DCUN1D2: variants seen among roughly 807,000 people sequenced by gnomAD.
The protein encoded by DCUN1D2 is defective in cullin neddylation 1 domain containing 2, also known as DCN1-like protein 2.
DCUN1D2 carries 29 observed loss-of-function variants against 30.9 expected under a neutral mutation model. That is an observed-to-expected ratio of 0.94 (90% CI 0.70 to 1.28). The LOEUF (loss-of-function observed/expected upper bound fraction) is 1.28. Among genes scored for constraint, DCUN1D2 ranks in the 50% most tolerant of loss-of-function variants. DCUN1D2 has a pLI of 0.00. For synonymous variants in DCUN1D2, 121 were observed against 115.3 expected (o/e 1.05, Z -0.32); for missense variants, 325 against 316.9 (o/e 1.03, Z -0.19).
intron 4 of DCUN1D2, among the ~76,000 whole-genome samples, chr13:113,464,652 C>T (rs2044372176): frequency 6.6e-6 from 1 of 152,226 alleles, no homozygotes; most frequent in African/African-American, 2.4e-5. Context: ...GTGCTTCTGC[C>T]CAAGCCACCA....
intron 6 of DCUN1D2, among the ~76,000 whole-genome samples, chr13:113,458,403 G>C (rs1363114520): frequency 1.3e-5 from 2 of 152,198 alleles, no homozygotes; most frequent in Admixed American, 6.5e-5. Context: ...CAGGAAGGGA[G>C]CTAAATGGAC....
chr13:113,490,583 A>G lies in DCUN1D2; in HGVS notation c.3+84T>C. 2 of 1,169,762 alleles carry G rather than the reference A, an allele frequency of 1.7e-6. No homozygotes were observed. The highest frequency in any genetic ancestry group is 1.1e-6 in the Non-Finnish European group (1 of 935,916). 72.5% of individuals were successfully genotyped at this position (1,169,762 alleles called of 1,614,324 possible). A position where few individuals can be genotyped will look rare whatever the true frequency, so the allele number is the denominator to read the frequency against. On this transcript the variant is annotated intron_variant, in intron 1 of 6. Coordinates refer to ENST00000478244, the MANE Select transcript of DCUN1D2 (RefSeq NM_001014283.2). The surrounding 1 kb of genome is among the most constrained non-coding windows in gnomAD (Gnocchi z 5.2). Reference sequence around the variant, plus strand: ...CGCAGCTCGCTGGGCTCGGCCTCCCACATCCAGCGCGCCGCCTGCGCCGAC... The same window carrying G: ...CGCAGCTCGCTGGGCTCGGCCTCCCGCATCCAGCGCGCCGCCTGCGCCGAC...
intron 1 of DCUN1D2, chr13:113,489,252 T>A: frequency 1.7e-6 from 1 of 605,114 alleles, no homozygotes; most frequent in Non-Finnish European, 2.1e-6. Flanking sequence ...CTCTCCAGCA[T>A]CCTGAACATG....
intron 4 of DCUN1D2, among the ~76,000 whole-genome samples, chr13:113,461,935 T>C (rs540761602): frequency 6.6e-6 from 1 of 152,316 alleles, no homozygotes; most frequent in Middle Eastern, 3.4e-3. Context: ...AGCAAGTATA[T>C]AAAGGGGTTC....
rs1364126582 is a variant in DCUN1D2 at position 113,483,870 on chromosome 13, T to G, written c.190A>C (p.Lys64Gln). The change falls in exon 2 of 7, where the codon AAG (lysine) becomes CAG (glutamine). Residue 64 changes from lysine to glutamine, a missense_variant. By Grantham distance (53) the Lys-to-Gln change is moderately conservative. Coordinates refer to ENST00000478244, the MANE Select transcript of DCUN1D2 (RefSeq NM_001014283.2). ...ESMRNAVDKK[K>Q]LERLYGRYKD... ...TACCTGCCGTACAGCCGCTCCAGCT[T>G]CTTCTTGTCCACAGCGTTCCGCATG... 1 of 1,612,886 alleles carries G rather than the reference T, an allele frequency of 6.2e-7. No individual in the cohort carries two copies. The highest frequency in any genetic ancestry group is 8.5e-7 in the Non-Finnish European group (1 of 1,180,028).
At chr13:113,476,814 C>T (rs1330712668) in intron 3 of DCUN1D2, among the ~76,000 whole-genome samples, 1 of 152,186 alleles carries the variant, frequency 6.6e-6, no homozygotes, top group Non-Finnish European at 1.5e-5. Flanking sequence ...CTATCTGAAA[C>T]TGATTTTTAC....
At chr13:113,461,945 C>T (rs1426619503) in intron 4 of DCUN1D2, among the ~76,000 whole-genome samples, 1 of 152,160 alleles carries the variant, frequency 6.6e-6, no homozygotes, top group Non-Finnish European at 1.5e-5. Flanking sequence ...TAAAGGGGTT[C>T]AGAATTCTAT....
rs749621059 is a variant in DCUN1D2, at chr13:113,474,152, G to A, written c.492C>T (p.Phe164=). The change falls in exon 4 of 7, where the codon TTC becomes TTT. Residue 164 remains phenylalanine, a synonymous_variant. Transcript: ENST00000478244. ...AACCTTTCTGCCCTGGGTTCTTAGC[G>A]AAGGTGAAGGTAAACTGATAAAAAT... is the stretch of plus-strand genomic sequence containing the variant. ...FKDFYQFTFT[F]AKNPGQKGLD... The A allele has an allele frequency of 4.3e-6, 7 of 1,613,940 alleles. No homozygotes were observed. Among genetic ancestry groups the A allele is most frequent in the South Asian group, 1.1e-5 (1 of 91,082 alleles).
In DCUN1D2 at chr13:113,484,009, C is replaced by T. The variant is rs904914252; in HGVS notation, c.51G>A (p.Ala17=). Residue 17 remains alanine (A), a synonymous_variant, in exon 2 of 7, where the codon GCG becomes GCA. Transcript: ENST00000478244. ...SQKDKVRQFM[A]CTQAGERTAI... ...CAGTTCTCTCGCCAGCCTGAGTGCA[C>T]GCCATAAACTGGCGGACCTTGTCCT... is the stretch of plus-strand genomic sequence containing the variant. 3.1e-6 allele frequency: 5 copies of T among 1,614,142 alleles called. No homozygotes were observed. Among genetic ancestry groups the T allele is most frequent in the Admixed American group, 3.3e-5 (2 of 60,034 alleles).
chr13:113,474,374 A>G, intron 3 of DCUN1D2, 120 bp from the exon 4 acceptor site: 1 of 1,382,850 alleles, frequency 7.2e-7, no homozygotes, highest in Non-Finnish European at 9.8e-7. Flanking sequence ...GTATTTCCCA[A>G]CTTCCTTTCC....
rs1850363757 is a variant in DCUN1D2 at position 113,490,415 on chromosome 13, C to T, written c.3+252G>A. ...CCAAGGCCCCTACAGTTCCTCCCGG[C>T]CCCCGCCCTCCGCTCACTCCCGGTC... On this transcript the variant is annotated intron_variant, in intron 1 of 6. Coordinates refer to ENST00000478244, the MANE Select transcript of DCUN1D2 (RefSeq NM_001014283.2). The surrounding 1 kb of genome is among the most constrained non-coding windows in gnomAD (Gnocchi z 5.2). 5.7e-6 allele frequency: 2 copies of T among 349,976 alleles called. No individual in the cohort carries two copies. The highest frequency in any genetic ancestry group is 1.0e-5 in the Non-Finnish European group (2 of 195,958). 21.7% of individuals were successfully genotyped at this position (349,976 alleles called of 1,614,324 possible).
At chr13:113,489,016 TA>T in intron 1 of DCUN1D2, 1 of 587,482 alleles carries the variant, frequency 1.7e-6, no homozygotes, top group Non-Finnish European at 2.1e-6. Context: ...ACGACTCATA[TA>T]ATCTGGCACC....
chr13:113,473,099 T>G (rs1460879725), intron 4 of DCUN1D2, among the ~76,000 whole-genome samples: 3 of 141,232 alleles, frequency 2.1e-5, no homozygotes, highest in Non-Finnish European at 4.7e-5. Flanking sequence ...CTGTCTCCTG[T>G]GCCTCTGTCC....
chr13:113,466,205 T>C (rs1358724866), intron 4 of DCUN1D2, among the ~76,000 whole-genome samples: 1 of 152,208 alleles, frequency 6.6e-6, no homozygotes, highest in African/African-American at 2.4e-5. Flanking sequence ...AGAGTGGTAA[T>C]GGTTTCTTGA....
At chr13:113,479,163 C>T (rs1364704956) in intron 3 of DCUN1D2, 1 of 152,194 alleles carries the variant, frequency 6.6e-6, no homozygotes, top group Non-Finnish European at 1.5e-5. Context: ...TTGTGCTGTC[C>T]AAATCTTCTA....
At chr13:113,480,443 G>T in intron 3 of DCUN1D2, 132 bp downstream of exon 3, 1 of 882,912 alleles carries the variant, frequency 1.1e-6, no homozygotes, top group Non-Finnish European at 1.7e-6. Flanking sequence ...GGAGAGTACA[G>T]ACGCATAAGA....
chr13:113,489,218 A>C (rs2044868711), intron 1 of DCUN1D2: 5 of 899,684 alleles, frequency 5.6e-6, no homozygotes, highest in African/African-American at 1.8e-5. Context: ...TTGGATCTCC[A>C]ACCTCGGCAG....
chr13:113,459,208 C>A (rs1312107270), intron 6 of DCUN1D2, 104 bp downstream of exon 6: 2 of 702,272 alleles, frequency 2.8e-6, no homozygotes, highest in Non-Finnish European at 5.3e-6. Flanking sequence ...AGTATTATGA[C>A]CACGCCCATC....
chr13:113,480,816 C>G (rs2044695403), intron 2 of DCUN1D2, 73 bp from the exon 3 acceptor site: 6 of 1,523,384 alleles, frequency 3.9e-6, no homozygotes, highest in Admixed American at 3.5e-5. Context: ...GGTTTGAATC[C>G]TAGCATTCGA....
Sources: gnomAD v4.1 joint callset for allele counts (sites outside exome capture counted in the v4.1 genomes callset) on GRCh38, gnomAD v4.1.1 for gene constraint, Gnocchi (gnomAD v3.1) non-coding constraint, MANE v1.5 for transcripts, NCBI Gene and HGNC (gene_info 2026-07-23, HGNC 2026-07-21) for gene names.